Variants in GPC6 observed in about 807,000 individuals in gnomAD.
GPC6 encodes the protein glypican 6, also known as glypican-6.
A neutral mutation model predicts 55.2 loss-of-function variants in GPC6; 14 were observed. That is an observed-to-expected ratio of 0.25 (90% confidence interval 0.17 to 0.40). The LOEUF is 0.40. Among genes scored for constraint, GPC6 ranks in the 10% least tolerant of loss-of-function variants. The probability of loss-of-function intolerance (pLI) is 1.00; values close to 1 mark genes in which losing one functional copy is unlikely to be tolerated. For synonymous variants in GPC6, 278 were observed against 259.6 expected, an observed-to-expected ratio of 1.07 and a Z score of -0.68; for missense variants, 641 against 708.5, an observed-to-expected ratio of 0.90 and a Z score of 1.08.
intron 1 of GPC6, among the ~76,000 whole-genome samples, chr13:93,308,413 C>A (rs550646075): frequency 6.6e-6 from 1 of 152,144 alleles, no homozygotes; most frequent in African/African-American, 2.4e-5. Flanking sequence ...ATTGTTGAAC[C>A]AAATTTAAAT....
intron 3 of GPC6, among the ~76,000 whole-genome samples, chr13:93,983,407 C>T (rs558401331): frequency 6.6e-6 from 1 of 152,100 alleles, no homozygotes; most frequent in East Asian, 1.9e-4. Context: ...TAGAACATAA[C>T]ACTGAGTTTA....
chr13:93,513,072 G>A (rs1438715084), intron 1 of GPC6, among the ~76,000 whole-genome samples: 1 of 152,154 alleles, frequency 6.6e-6, no homozygotes, highest in African/African-American at 2.4e-5. Context: ...GAAAAACTGA[G>A]CCATTGCTGT....
chr13:94,253,736 C>G (rs967047577), intron 4 of GPC6, among the ~76,000 whole-genome samples: 1 of 151,978 alleles, frequency 6.6e-6, no homozygotes, highest in African/African-American at 2.4e-5. Context: ...CAAAAGAAAC[C>G]CAAGACTAGA....
chr13:93,403,690 G>A (rs1190892687), intron 1 of GPC6, among the ~76,000 whole-genome samples: 1 of 151,966 alleles, frequency 6.6e-6, no homozygotes. Context: ...ACAGTTCTTG[G>A]TTTTCTAGTC....
chr13:93,656,026 A>C (rs1488246223), intron 2 of GPC6, among the ~76,000 whole-genome samples: 4 of 152,202 alleles, frequency 2.6e-5, no homozygotes, highest in Non-Finnish European at 5.9e-5. Flanking sequence ...GATGAACAGC[A>C]AGAAGTAAAA....
At chr13:94,106,506 G>A (rs1471977232) in intron 4 of GPC6, among the ~76,000 whole-genome samples, 2 of 152,028 alleles carry the variant, frequency 1.3e-5, no homozygotes, top group African/African-American at 4.8e-5. Flanking sequence ...TCCATATTAA[G>A]AAGAGTTAAG....
At chr13:93,272,514 ATATAT>A (rs1566273999) in intron 1 of GPC6, among the ~76,000 whole-genome samples, 3 of 137,946 alleles carry the variant, frequency 2.2e-5, no homozygotes, top group African/African-American at 5.3e-5. Flanking sequence ...ATATATATAT[ATATAT>A]AACTTAGAAA....
chr13:93,354,348 G>GTTTTTTTTTT (rs1880751061), intron 1 of GPC6, among the ~76,000 whole-genome samples: 1 of 59,092 alleles, frequency 1.7e-5, no homozygotes, highest in African/African-American at 8.8e-5. Flanking sequence ...TCCGTTGGTA[G>GTTTTTTTTTT]ATTTTTTTTT....
At chr13:93,773,726 G>A (rs918596621) in intron 2 of GPC6, among the ~76,000 whole-genome samples, 9 of 152,038 alleles carry the variant, frequency 5.9e-5, no homozygotes, top group African/African-American at 1.2e-4. Flanking sequence ...CCATCAAACC[G>A]TTACCACTCC....
chr13:93,235,504 G>A (rs1876203070), intron 1 of GPC6, among the ~76,000 whole-genome samples: 1 of 152,042 alleles, frequency 6.6e-6, no homozygotes, highest in Non-Finnish European at 1.5e-5. Flanking sequence ...AGGCCCCTGG[G>A]GAGGGAAGAA....
At chr13:93,228,833 T>C (rs947934324) in intron 1 of GPC6, among the ~76,000 whole-genome samples, 1 of 152,192 alleles carries the variant, frequency 6.6e-6, no homozygotes, top group African/African-American at 2.4e-5. Flanking sequence ...TTTGCAGATA[T>C]CTTAGAACAT....
chr13:93,586,283 G>T (rs1464605997), intron 2 of GPC6, among the ~76,000 whole-genome samples: 1 of 152,138 alleles, frequency 6.6e-6, no homozygotes, highest in Non-Finnish European at 1.5e-5. Flanking sequence ...CCCTGCAAAG[G>T]ACATGATCTC....
At chr13:94,393,104 C>A (rs1880731994) in intron 7 of GPC6, among the ~76,000 whole-genome samples, 1 of 152,164 alleles carries the variant, frequency 6.6e-6, no homozygotes, top group Non-Finnish European at 1.5e-5. Context: ...TTTAAGAAAT[C>A]TTCTAGAAGA....
chr13:93,936,212 G>A (rs1269316369), intron 3 of GPC6, among the ~76,000 whole-genome samples: 1 of 152,084 alleles, frequency 6.6e-6, no homozygotes, highest in Non-Finnish European at 1.5e-5. Flanking sequence ...GTAGCTTTCT[G>A]ACATGACAAG....
intron 1 of GPC6, among the ~76,000 whole-genome samples, chr13:93,409,693 T>G (rs115201384): frequency 6.6e-6 from 1 of 152,240 alleles, no homozygotes; most frequent in Non-Finnish European, 1.5e-5. Context: ...CTAACATTTG[T>G]TGAGCTTTTT....
chr13:94,130,065 G>A (rs601553), intron 4 of GPC6, among the ~76,000 whole-genome samples: 67,793 of 151,894 alleles, frequency 0.45, 16,764 homozygotes, highest in Middle Eastern at 0.57. Context: ...CATTGATGGA[G>A]CAAGATATAT....
intron 4 of GPC6, among the ~76,000 whole-genome samples, chr13:94,254,750 C>G (rs1891455133): frequency 6.6e-6 from 1 of 151,870 alleles, no homozygotes; most frequent in Non-Finnish European, 1.5e-5. Context: ...ATTCTTAGCT[C>G]AAATTTTAAA....
intron 4 of GPC6, among the ~76,000 whole-genome samples, chr13:94,042,771 T>C (rs142368831): frequency 1.3e-5 from 2 of 152,046 alleles, no homozygotes; most frequent in African/African-American, 4.8e-5. Context: ...ACCTCTGATA[T>C]TAGCATCCAT....
chr13:93,318,656 A>G (rs1267080720), intron 1 of GPC6, among the ~76,000 whole-genome samples: 2 of 152,086 alleles, frequency 1.3e-5, no homozygotes, highest in Non-Finnish European at 2.9e-5. Flanking sequence ...CTAGAGCAGA[A>G]GAAGTTGCAT....
Sources: allele counts gnomAD v4.1 joint callset (sites outside exome capture counted in the v4.1 genomes callset), GRCh38; gene constraint gnomAD v4.1.1; transcripts MANE v1.5; gene names NCBI Gene and HGNC (gene_info 2026-07-23, HGNC 2026-07-21).